SLC2A9: variants seen among roughly 807,000 people sequenced by gnomAD.
SLC2A9 encodes the protein solute carrier family 2 member 9.
SLC2A9 carries 39 observed loss-of-function variants against 50.6 expected under a neutral mutation model. That is an observed-to-expected ratio of 0.77 (90% CI 0.60 to 1.01). The LOEUF (loss-of-function observed/expected upper bound fraction) is 1.01, where lower values mean the gene tolerates loss of function less well. Among genes scored for constraint, SLC2A9 ranks in the 50% least tolerant of loss-of-function variants. The pLI is 0.00. For synonymous variants in SLC2A9, 324 were observed against 276.9 expected, an observed-to-expected ratio of 1.17 and a Z score of -1.69; for missense variants, 686 against 677.6, an observed-to-expected ratio of 1.01 and a Z score of -0.14.
chr4:9,970,849 C>G (rs1161691415), intron 5 of SLC2A9, among the ~76,000 whole-genome samples: 1 of 152,122 alleles, frequency 6.6e-6, no homozygotes, highest in African/African-American at 2.4e-5. Context: ...GCCTGCCTGG[C>G]CTAAACCTAG....
chr4:9,779,081 T>C (rs1383910488), downstream of SLC2A9, among the ~76,000 whole-genome samples: 1 of 152,126 alleles, frequency 6.6e-6, no homozygotes, highest in Non-Finnish European at 1.5e-5. Context: ...CATCACACTT[T>C]CTAAACGACT....
intron 2 of SLC2A9, among the ~76,000 whole-genome samples, chr4:10,000,551 A>G (rs1759600455): frequency 6.6e-6 from 1 of 152,094 alleles, no homozygotes; most frequent in African/African-American, 2.4e-5. Context: ...CATAATTTTG[A>G]CCTCATCCTA....
chr4:9,863,943 CAA>C (rs1391436952), intron 10 of SLC2A9, among the ~76,000 whole-genome samples: 1 of 152,090 alleles, frequency 6.6e-6, no homozygotes, highest in Admixed American at 6.5e-5. Flanking sequence ...TTGCAGAAAT[CAA>C]AGACTGTGAT....
intron 10 of SLC2A9, among the ~76,000 whole-genome samples, chr4:9,864,109 A>G (rs1285739894): frequency 6.6e-6 from 1 of 151,964 alleles, no homozygotes; most frequent in Non-Finnish European, 1.5e-5. Context: ...AAATCACCCT[A>G]TACCATCAGA....
At position 9,891,248 on chromosome 4, in the gene SLC2A9, G is replaced by A. The variant is rs192044896; in HGVS notation, c.1114-537C>T. 4.6e-5 allele frequency among the ~76,000 whole-genome samples: 7 copies of A among 152,252 alleles called. No individual in the cohort carries two copies. The East Asian group carries it at 5.8e-4, about 13-fold the overall frequency. On this transcript the variant is annotated intron_variant, in intron 8 of 11. Coordinates refer to ENST00000264784, the MANE Select transcript of SLC2A9 (RefSeq NM_020041.3). The stretch of plus-strand genomic sequence containing the variant: ...GGGAAGTCCCTAAAGCTGTGTCCTC[G>A]AAGCCAGCTTCCCTCGGCCTAGGAC...
chr4:9,845,427 C>CTTTTT lies in SLC2A9; in HGVS notation c.1292-10424_1292-10420dup, dbSNP rs1175166447. 5.8e-4 allele frequency among the ~76,000 whole-genome samples: 63 copies of CTTTTT among 108,672 alleles called. 5 individuals carry two copies. The highest frequency in any genetic ancestry group is 1.7e-3 in the African/African-American group (41 of 24,534). The allele number at this position is 108,672 out of a possible 152,430, so 71.3% of individuals were successfully genotyped here. The stretch of plus-strand genomic sequence containing the variant: ...CCAATGGAACCACGATCATCAATTT[C>CTTTTT]TTTTTTTTTTTTTTTTTTTTGAGAC... On this transcript the variant is annotated intron_variant, in intron 10 of 11. Coordinates refer to ENST00000264784, the MANE Select transcript of SLC2A9 (RefSeq NM_020041.3).
At chr4:9,809,864 T>TTC (rs1553818225) in intron 3 of SLC2A9, among the ~76,000 whole-genome samples, 6 of 151,886 alleles carry the variant, frequency 4.0e-5, no homozygotes, top group African/African-American at 1.5e-4. Flanking sequence ...TTTTTTTTTT[T>TTC]TTTAAATTCA....
At chr4:9,925,740 A>G (rs1744777228) in intron 6 of SLC2A9, among the ~76,000 whole-genome samples, 1 of 152,232 alleles carries the variant, frequency 6.6e-6, no homozygotes, top group Non-Finnish European at 1.5e-5. Flanking sequence ...AGTAAAAATC[A>G]AGACTCAGGT....
At position 9,782,253 on chromosome 4, in the gene SLC2A9, T is replaced by C. The variant is rs151282040; in HGVS notation, n.386-2188A>G. Reference sequence around the variant, plus strand: ...CGGAGCCGCCACCTGCGCGCCAACATGACCAACGTCTTCATCGTGTCTCTG... The same window carrying C: ...CGGAGCCGCCACCTGCGCGCCAACACGACCAACGTCTTCATCGTGTCTCTG... On this transcript the variant is annotated intron_variant and non_coding_transcript_variant, in intron 3 of 3. Transcript: ENST00000503803. 1,648 of 1,613,618 alleles carry C rather than the reference T, an allele frequency of 1.0e-3. 5 individuals are homozygous for C. The highest frequency in any genetic ancestry group is 6.1e-3 in the Middle Eastern group (36 of 5,888).
At chr4:9,895,691 T>A (rs1266859497) in intron 8 of SLC2A9, among the ~76,000 whole-genome samples, 2 of 152,232 alleles carry the variant, frequency 1.3e-5, no homozygotes, top group African/African-American at 4.8e-5. Flanking sequence ...AGCAGCTTTA[T>A]AAAGGTGTAG....
chr4:9,827,026 C>G (rs907739518), intron 11 of SLC2A9, among the ~76,000 whole-genome samples: 1 of 152,168 alleles, frequency 6.6e-6, no homozygotes, highest in African/African-American at 2.4e-5. Flanking sequence ...GAATGTGGAG[C>G]ACAGAATAGG....
chr4:9,778,077 C>T (rs1276953795), downstream of SLC2A9, among the ~76,000 whole-genome samples: 5 of 147,256 alleles, frequency 3.4e-5, no homozygotes, highest in African/African-American at 1.3e-4. Flanking sequence ...TCCTTCCTTC[C>T]TTCCTTCCTT....
chr4:10,011,970 T>C (rs774230056), intron 2 of SLC2A9, among the ~76,000 whole-genome samples: 3 of 152,238 alleles, frequency 2.0e-5, no homozygotes, highest in Non-Finnish European at 2.9e-5. Flanking sequence ...TAGCCAACAA[T>C]TGGCCAGCAA....
At chr4:9,854,331 C>A (rs1269961265) in intron 10 of SLC2A9, among the ~76,000 whole-genome samples, 1 of 151,956 alleles carries the variant, frequency 6.6e-6, no homozygotes, top group African/African-American at 2.4e-5. Flanking sequence ...ATACAAAAAG[C>A]CCTCAGAGAC....
chr4:9,841,834 C>G (rs1560178490), intron 10 of SLC2A9, among the ~76,000 whole-genome samples: 1 of 152,090 alleles, frequency 6.6e-6, no homozygotes, highest in Non-Finnish European at 1.5e-5. Context: ...TCCCCAGGAC[C>G]CTTTGAGAGG....
intron 3 of SLC2A9, among the ~76,000 whole-genome samples, chr4:9,785,610 T>C (rs1719117526): frequency 6.6e-6 from 1 of 152,236 alleles, no homozygotes; most frequent in Non-Finnish European, 1.5e-5. Flanking sequence ...AGTTCTGTGT[T>C]ATGGGAAATG....
At chr4:9,878,966 A>T (rs1734744970) in intron 10 of SLC2A9, 1 of 873,396 alleles carries the variant, frequency 1.1e-6, no homozygotes, top group Non-Finnish European at 1.4e-6. Flanking sequence ...CTGTGGTGGT[A>T]GAAAACACCA....
chr4:9,794,804 C>T (rs1175229976), downstream of SLC2A9, among the ~76,000 whole-genome samples: 1 of 152,058 alleles, frequency 6.6e-6, no homozygotes, highest in East Asian at 1.9e-4. Flanking sequence ...CTGGTGGTGG[C>T]AACGAGGGGA....
chr4:9,792,163 C>CTTTTTTTTTTTTTTT (rs34289788), intron 3 of SLC2A9, among the ~76,000 whole-genome samples: 10 of 77,214 alleles, frequency 1.3e-4, no homozygotes, highest in Non-Finnish European at 1.9e-4. Context: ...TTCTATGTTT[C>CTTTTTTTTTTTTTTT]TTTTTTTTTT....
Sources: gnomAD v4.1 joint callset for allele counts (sites outside exome capture counted in the v4.1 genomes callset) on GRCh38, gnomAD v4.1.1 for gene constraint, MANE v1.5 for transcripts, NCBI Gene and HGNC (gene_info 2026-07-23, HGNC 2026-07-21) for gene names.